The following EFL1 variants were observed in gnomAD, a reference collection of about 807,000 sequenced individuals.
EFL1 encodes the protein elongation factor like GTPase 1.
In EFL1, 76 loss-of-function variants were observed where a neutral mutation model predicts 126.7. The ratio of observed to expected loss-of-function variants is 0.60; its 90% CI spans 0.50 to 0.73. EFL1 has a LOEUF of 0.73. Among genes scored for constraint, EFL1 ranks in the 30% least tolerant of loss-of-function variants. EFL1 has a pLI of 0.00. For missense variants in EFL1, 1,128 were observed against 1,343.2 expected, an observed-to-expected ratio of 0.84 and a Z score of 2.50; for synonymous variants, 410 against 448.4, an observed-to-expected ratio of 0.91 and a Z score of 1.08.
At chr15:82,242,004 T>C (rs1470526768) in intron 4 of EFL1, among the ~76,000 whole-genome samples, 5 of 152,154 alleles carry the variant, frequency 3.3e-5, no homozygotes, top group African/African-American at 1.2e-4. Flanking sequence ...GTATTAAACT[T>C]ATAGTAGGGT....
At chr15:82,166,771 G>T (rs2074083781) in intron 15 of EFL1, among the ~76,000 whole-genome samples, 1 of 151,806 alleles carries the variant, frequency 6.6e-6, no homozygotes, top group Admixed American at 6.6e-5. Flanking sequence ...CTTCTCTATT[G>T]TCACACATAA....
chr15:82,166,633 TAC>T (rs753407950), intron 15 of EFL1, among the ~76,000 whole-genome samples: 1 of 152,202 alleles, frequency 6.6e-6, no homozygotes, highest in Non-Finnish European at 1.5e-5. Flanking sequence ...TTACACAAAA[TAC>T]AGTCTGAAGC....
At chr15:82,176,309 G>A (rs1846911) in intron 15 of EFL1, among the ~76,000 whole-genome samples, 101,214 of 152,110 alleles carry the variant, frequency 0.67, 35,419 homozygotes, top group African/African-American at 0.89. Flanking sequence ...CACAAAAAGC[G>A]TTAGTCGTAA....
At chr15:82,244,551 G>A (rs1021092273) in intron 4 of EFL1, among the ~76,000 whole-genome samples, 4 of 152,004 alleles carry the variant, frequency 2.6e-5, no homozygotes, top group Admixed American at 6.5e-5. Flanking sequence ...CAAACTAAAC[G>A]GCTTCATTTC....
intron 15 of EFL1, among the ~76,000 whole-genome samples, chr15:82,212,932 A>G (rs1379190182): frequency 6.6e-6 from 1 of 152,214 alleles, no homozygotes; most frequent in Non-Finnish European, 1.5e-5. Flanking sequence ...TCTTCCTGCG[A>G]GGAATGTGGG....
intron 18 of EFL1, among the ~76,000 whole-genome samples, chr15:82,145,480 TTAAAA>T (rs909418475): frequency 3.3e-5 from 5 of 151,770 alleles, no homozygotes; most frequent in African/African-American, 1.2e-4. Flanking sequence ...TAAAATTATT[TTAAAA>T]TAAAAATTTA....
chr15:82,214,640 A>C (rs1277481662), intron 15 of EFL1, 77 bp downstream of exon 15: 1 of 1,429,088 alleles, frequency 7.0e-7, no homozygotes, highest in Non-Finnish European at 9.5e-7. Context: ...CCCTTCAAAA[A>C]TTTCACTAAA....
intron 7 of EFL1, among the ~76,000 whole-genome samples, chr15:82,232,513 G>A (rs1262880121): frequency 6.6e-6 from 1 of 152,066 alleles, no homozygotes; most frequent in East Asian, 1.9e-4. Flanking sequence ...TCTACTTATA[G>A]TTCTATTTTT....
chr15:82,137,540 A>T (rs1351059167), intron 19 of EFL1, among the ~76,000 whole-genome samples: 15 of 152,190 alleles, frequency 9.9e-5, no homozygotes, highest in Admixed American at 9.8e-4. Context: ...TAGATATTTG[A>T]CCTAGGGGTG....
chr15:82,132,125 A>G (rs1185221727), intron 19 of EFL1, among the ~76,000 whole-genome samples: 1 of 152,210 alleles, frequency 6.6e-6, no homozygotes, highest in Non-Finnish European at 1.5e-5. Context: ...CTGAGGCTCG[A>G]TTCTGACCCA....
intron 15 of EFL1, among the ~76,000 whole-genome samples, chr15:82,186,087 G>A (rs1419227373): frequency 6.6e-6 from 1 of 151,414 alleles, no homozygotes. Context: ...TTTGTAAGGG[G>A]GGACTTGTCA....
intron 7 of EFL1, among the ~76,000 whole-genome samples, chr15:82,236,237 A>G (rs1451611374): frequency 6.6e-6 from 1 of 152,184 alleles, no homozygotes; most frequent in African/African-American, 2.4e-5. Context: ...AGATGTCAAA[A>G]TTCTCCCCAA....
chr15:82,226,640 G>A (rs1309891180), intron 11 of EFL1, among the ~76,000 whole-genome samples: 3 of 152,098 alleles, frequency 2.0e-5, no homozygotes, highest in Admixed American at 2.0e-4. Context: ...ACAGTGTAGA[G>A]GGAGTTCTAG....
chr15:82,160,504 A>G (rs975735168), intron 16 of EFL1, among the ~76,000 whole-genome samples: 14 of 152,362 alleles, frequency 9.2e-5, no homozygotes, highest in African/African-American at 3.1e-4. Context: ...TTATATGTAC[A>G]TACTGTATGT....
At chr15:82,204,511 C>T (rs1454609595) in intron 15 of EFL1, among the ~76,000 whole-genome samples, 1 of 152,206 alleles carries the variant, frequency 6.6e-6, no homozygotes, top group African/African-American at 2.4e-5. Context: ...TTGACAATCA[C>T]TTGCTTTTCT....
intron 15 of EFL1, among the ~76,000 whole-genome samples, chr15:82,207,952 C>T (rs1210943372): frequency 6.6e-6 from 1 of 152,116 alleles, no homozygotes; most frequent in African/African-American, 2.4e-5. Flanking sequence ...AACTCCTGAC[C>T]TCAGGTGATC....
chr15:82,163,369 C>G (rs1227988145), intron 16 of EFL1, among the ~76,000 whole-genome samples: 1 of 152,100 alleles, frequency 6.6e-6, no homozygotes, highest in Admixed American at 6.5e-5. Flanking sequence ...GGCGAAACCC[C>G]GTATCTACTA....
intron 15 of EFL1, among the ~76,000 whole-genome samples, chr15:82,171,023 C>T (rs1455980083): frequency 1.3e-5 from 2 of 152,188 alleles, no homozygotes; most frequent in Admixed American, 1.3e-4. Context: ...AGAGATACGG[C>T]TTTACACAAC....
At chr15:82,171,460 C>T (rs2074134749) in intron 15 of EFL1, among the ~76,000 whole-genome samples, 1 of 152,170 alleles carries the variant, frequency 6.6e-6, no homozygotes, top group Non-Finnish European at 1.5e-5. Context: ...GGCAGACAGG[C>T]AGGCCTATTC....
Sources: gnomAD v4.1 joint callset for allele counts (sites outside exome capture counted in the v4.1 genomes callset) on GRCh38, gnomAD v4.1.1 for gene constraint, MANE v1.5 for transcripts, NCBI Gene and HGNC (gene_info 2026-07-23, HGNC 2026-07-21) for gene names.